Variants in PSPC1 observed in about 807,000 individuals in gnomAD.
The protein encoded by PSPC1 is paraspeckle component 1.
A neutral mutation model predicts 51.6 loss-of-function variants in PSPC1; 14 were observed. That is an observed-to-expected ratio of 0.27 (90% confidence interval 0.18 to 0.42). PSPC1 has a LOEUF of 0.42. Among genes scored for constraint, PSPC1 ranks in the 10% least tolerant of loss-of-function variants. PSPC1 has a pLI of 1.00. For synonymous variants in PSPC1, 193 were observed against 231.9 expected (o/e 0.83, Z 1.53); for missense variants, 406 against 701.1 (o/e 0.58, Z 4.75).
At chr13:19,684,169 G>A (rs992798649) in intron 6 of PSPC1, among the ~76,000 whole-genome samples, 12 of 152,016 alleles carry the variant, frequency 7.9e-5, no homozygotes, top group African/African-American at 1.2e-4. Context: ...AAGGCATCTC[G>A]AAAACAAAAT....
exon 8 of PSPC1, chr13:19,674,804 T>TTAAG (rs1278790171): frequency 6.6e-6 from 1 of 152,250 alleles, no homozygotes; most frequent in African/African-American, 2.4e-5. Context: ...CTTCAAAGCT[T>TTAAG]TAAGTCTGAA....
At chr13:19,737,922 T>TA (rs1188531486) in intron 5 of PSPC1, among the ~76,000 whole-genome samples, 2 of 151,904 alleles carry the variant, frequency 1.3e-5, no homozygotes, top group African/African-American at 2.4e-5. Context: ...CCCATCTCTA[T>TA]AAAAAAATAA....
At chr13:19,691,843 G>C (rs776233373) in intron 6 of PSPC1, among the ~76,000 whole-genome samples, 3 of 152,042 alleles carry the variant, frequency 2.0e-5, no homozygotes, top group Non-Finnish European at 4.4e-5. Context: ...ACTTGAACCT[G>C]GGAGGTGGAT....
At chr13:19,713,469 G>A (rs917599250) in intron 6 of PSPC1, among the ~76,000 whole-genome samples, 1 of 132,812 alleles carries the variant, frequency 7.5e-6, no homozygotes, top group African/African-American at 2.8e-5. Context: ...CTGAAATGGA[G>A]TTCACAAAAT....
chr13:19,736,348 G>A (rs1340068602), intron 5 of PSPC1, among the ~76,000 whole-genome samples: 1 of 151,874 alleles, frequency 6.6e-6, no homozygotes, highest in Non-Finnish European at 1.5e-5. Context: ...TGATGCCCCT[G>A]TATACTGAGA....
intron 2 of PSPC1, among the ~76,000 whole-genome samples, chr13:19,764,336 C>T (rs1887858658): frequency 6.6e-6 from 1 of 152,066 alleles, no homozygotes; most frequent in South Asian, 2.1e-4. Context: ...TAAAATGGCA[C>T]CATTTTACGC....
At chr13:19,673,784 G>T (rs1250979492), downstream of PSPC1, among the ~76,000 whole-genome samples, 1 of 152,142 alleles carries the variant, frequency 6.6e-6, no homozygotes, top group South Asian at 2.1e-4. Context: ...TTATCCGGGG[G>T]AAAAAGCCTG....
intron 5 of PSPC1, 81 bp from the exon 6 acceptor site, chr13:19,730,425 C>T: frequency 7.9e-7 from 1 of 1,269,500 alleles, no homozygotes; most frequent in Admixed American, 1.7e-5. Context: ...AAAATGAAAT[C>T]ATTTATGCAA....
chr13:19,781,145 CAAAA>C (rs531065939), intron 1 of PSPC1, among the ~76,000 whole-genome samples: 7 of 70,662 alleles, frequency 9.9e-5, no homozygotes, highest in Non-Finnish European at 1.2e-4. Context: ...GACCCAGTCT[CAAAA>C]AAAAAAAAAA....
chr13:19,714,019 G>A (rs1881782348), intron 6 of PSPC1, among the ~76,000 whole-genome samples: 1 of 152,184 alleles, frequency 6.6e-6, no homozygotes, highest in Admixed American at 6.5e-5. Flanking sequence ...AGTAACCACT[G>A]CATTTGTCAC....
At chr13:19,725,777 T>C (rs937796827) in intron 6 of PSPC1, among the ~76,000 whole-genome samples, 4 of 152,160 alleles carry the variant, frequency 2.6e-5, no homozygotes, top group South Asian at 2.1e-4. Context: ...CCTGCACATA[T>C]AGTCTGAAAG....
In PSPC1 at chr13:19,765,346, T is replaced by TAA. The variant is rs1354897844; in HGVS notation, c.675-5929_675-5928insTT. 3.2e-3 allele frequency among the ~76,000 whole-genome samples: 463 copies of TAA among 146,498 alleles called. 1 individual carries two copies. Among genetic ancestry groups the TAA allele is most frequent in the South Asian group, 0.022 (104 of 4,690 alleles). On this transcript the variant is annotated intron_variant, in intron 2 of 8. Transcript: ENST00000338910. ...TCAAAAATAATAATAATAATAATAA[T>TAA]TATTATTATTATTATTATTACCAGG... is the stretch of plus-strand genomic sequence containing the variant.
chr13:19,736,550 A>G lies in PSPC1; in HGVS notation c.1052+5015T>C, dbSNP rs192554563. On this transcript the variant is annotated intron_variant, in intron 5 of 8. Coordinates refer to ENST00000338910, the MANE Select transcript of PSPC1 (RefSeq NM_001354909.2). ...TACAAAAAATTAGCCAGGTGTGGTGACAGGCGCCTGTAATCCTAGCTACTC... is the reference window on the plus strand; with the variant it reads ...TACAAAAAATTAGCCAGGTGTGGTGGCAGGCGCCTGTAATCCTAGCTACTC... Among the ~76,000 whole-genome samples, 84 of 152,090 alleles carry G rather than the reference A, an allele frequency of 5.5e-4. 1 individual carries two copies. In the East Asian group the frequency reaches 7.0e-3, roughly 13 times the overall value.
chr13:19,746,827 C>T (rs936975712), intron 4 of PSPC1, among the ~76,000 whole-genome samples: 5 of 150,824 alleles, frequency 3.3e-5, no homozygotes, highest in South Asian at 2.1e-4. Flanking sequence ...TCAACATTTA[C>T]GGCTGGGTGT....
At chr13:19,777,266 C>T (rs977937146) in intron 1 of PSPC1, among the ~76,000 whole-genome samples, 6 of 150,948 alleles carry the variant, frequency 4.0e-5, no homozygotes, top group African/African-American at 1.5e-4. Flanking sequence ...CCCATCTCTA[C>T]TAAAAATACA....
chr13:19,692,599 C>T (rs1310476552), intron 6 of PSPC1, among the ~76,000 whole-genome samples: 1 of 152,146 alleles, frequency 6.6e-6, no homozygotes. Flanking sequence ...CCTAAAAGCA[C>T]TCAAAACCAA....
intron 6 of PSPC1, among the ~76,000 whole-genome samples, chr13:19,713,049 G>C (rs549021799): frequency 6.6e-6 from 1 of 152,100 alleles, no homozygotes; most frequent in Non-Finnish European, 1.5e-5. Flanking sequence ...ATATTAATAA[G>C]AATCACTTGA....
At chr13:19,756,973 C>T (rs974238505) in intron 3 of PSPC1, among the ~76,000 whole-genome samples, 4 of 150,882 alleles carry the variant, frequency 2.7e-5, no homozygotes, top group African/African-American at 7.3e-5. Flanking sequence ...ACTAAAAATA[C>T]AAAAAAATTA....
chr13:19,765,850 G>A (rs1199920015), intron 2 of PSPC1, among the ~76,000 whole-genome samples: 2 of 151,952 alleles, frequency 1.3e-5, no homozygotes, highest in Admixed American at 6.6e-5. Context: ...CTTATCAGCA[G>A]GTTTTCCTAG....
Sources: gnomAD v4.1 joint callset for allele counts (sites outside exome capture counted in the v4.1 genomes callset) on GRCh38, gnomAD v4.1.1 for gene constraint, MANE v1.5 for transcripts, NCBI Gene and HGNC (gene_info 2026-07-23, HGNC 2026-07-21) for gene names.